Variants in SLC9A3 observed in about 807,000 individuals in gnomAD.
SLC9A3 encodes solute carrier family 9 member A3, also known as sodium/hydrogen exchanger 3.
In SLC9A3, 37 loss-of-function variants were observed where a neutral mutation model predicts 86.8. The ratio of observed to expected loss-of-function variants is 0.43; its 90% CI spans 0.33 to 0.56. SLC9A3 has a LOEUF of 0.56. Among genes scored for constraint, SLC9A3 ranks in the 20% least tolerant of loss-of-function variants. The pLI is 0.06. For synonymous variants in SLC9A3, 581 were observed against 528.3 expected (o/e 1.10, Z -1.37); for missense variants, 1,011 against 1,171.9 (o/e 0.86, Z 2.00).
intron 11 of SLC9A3, 42 bp from the exon 12 acceptor site, chr5:476,714 G>T (rs749456697): frequency 3.3e-5 from 52 of 1,593,304 alleles, no homozygotes; most frequent in South Asian, 1.1e-4. Flanking sequence ...CTCCCTCAGG[G>T]TGGGGTCTCT....
chr5:472,140 T>G lies in SLC9A3; in HGVS notation c.*1239A>C. 1 of 387,818 alleles carries G rather than the reference T, an allele frequency of 2.6e-6. No homozygotes were observed. The highest frequency in any genetic ancestry group is 3.1e-5 in the Admixed American group (1 of 32,610). 24.0% of individuals were successfully genotyped at this position (387,818 alleles called of 1,614,324 possible). A position where few individuals can be genotyped will look rare whatever the true frequency, so the allele number is the denominator to read the frequency against. ...ATGGACTCCGAGCACCCTCCCCGGCTCAGCACCCGCGGCCTCCGCCCACTC... is the reference window on the plus strand; with the variant it reads ...ATGGACTCCGAGCACCCTCCCCGGCGCAGCACCCGCGGCCTCCGCCCACTC... On this transcript the variant is annotated 3_prime_UTR_variant, in exon 17 of 17. Coordinates refer to ENST00000264938, the MANE Select transcript of SLC9A3 (RefSeq NM_004174.4).
rs372327507 is a variant in SLC9A3, at chr5:488,373, G to A, written c.618C>T (p.Asn206=). The change falls in exon 3 of 17, where the codon AAC becomes AAT. Residue 206 remains asparagine (N), a synonymous_variant. Transcript: ENST00000264938. The part of the protein sequence containing the change: ...VLAVFEEVHV[N]EVLFIIVFGE... ...CGAAGACGATGATGAACAGGACCTC[G>A]TTGACATGGACCTCCTCAAACACGG... The A allele has an allele frequency of 1.1e-5, 18 of 1,612,522 alleles. No homozygotes were observed. The highest frequency in any genetic ancestry group is 1.4e-5 in the Non-Finnish European group (17 of 1,179,810).
At chr5:511,639 C>T (rs180952333) in intron 1 of SLC9A3, among the ~76,000 whole-genome samples, 172 of 152,360 alleles carry the variant, frequency 1.1e-3, no homozygotes, top group African/African-American at 3.8e-3. Context: ...ACGGATAGCA[C>T]CGAAGGCTGG....
At chr5:514,815 A>G (rs1222659034) in intron 1 of SLC9A3, among the ~76,000 whole-genome samples, 3 of 152,232 alleles carry the variant, frequency 2.0e-5, no homozygotes, top group African/African-American at 7.2e-5. Flanking sequence ...ATGACAGCTC[A>G]GCAGGCGGTG....
chr5:507,326 C>T (rs1488051901), intron 1 of SLC9A3, among the ~76,000 whole-genome samples: 2 of 130,026 alleles, frequency 1.5e-5, no homozygotes, highest in Non-Finnish European at 3.2e-5. Context: ...CGCCACCACG[C>T]CCAGCTAATT....
intron 1 of SLC9A3, among the ~76,000 whole-genome samples, chr5:510,141 C>T (rs905021946): frequency 2.0e-5 from 3 of 152,218 alleles, no homozygotes; most frequent in Admixed American, 6.5e-5. Context: ...TGGCGGAGCG[C>T]GGCAGCTTGT....
chr5:477,046 T>G (rs1579765494), intron 11 of SLC9A3: 1 of 509,050 alleles, frequency 2.0e-6, no homozygotes, highest in South Asian at 2.6e-5. Context: ...GCAGTAAGGG[T>G]GGCATGGGGA....
At chr5:520,754 C>T (rs1733861507) in intron 1 of SLC9A3, among the ~76,000 whole-genome samples, 1 of 152,090 alleles carries the variant, frequency 6.6e-6, no homozygotes, top group Non-Finnish European at 1.5e-5. Context: ...GCCTCCCTCT[C>T]CTTCCAGGGG....
intron 1 of SLC9A3, among the ~76,000 whole-genome samples, chr5:520,038 C>A (rs942424026): frequency 1.8e-4 from 27 of 152,166 alleles, no homozygotes; most frequent in African/African-American, 5.1e-4. Context: ...AGCTCCACTT[C>A]GAGAGCCTGC....
In SLC9A3 at chr5:497,261, A is replaced by AC. The variant is rs1158455060; in HGVS notation, c.212-5191dup. On this transcript the variant is annotated intron_variant, in intron 1 of 16. Coordinates refer to ENST00000264938, the MANE Select transcript of SLC9A3 (RefSeq NM_004174.4). This position sits in a 1 kb window ranked among gnomAD's most constrained non-coding sequence, Gnocchi z 5.4. ...CCGCAGGTGCCCCTCAAGTCACACC[A>AC]CTGCTCTGCCTCGGGCGACACGGTG... Among the ~76,000 whole-genome samples the AC allele has an allele frequency of 6.6e-6, 1 of 152,110 alleles. No individual in the cohort carries two copies. The highest frequency in any genetic ancestry group is 1.5e-5 in the Non-Finnish European group (1 of 67,994).
intron 1 of SLC9A3, among the ~76,000 whole-genome samples, chr5:520,982 G>C (rs1051927705): frequency 6.6e-6 from 1 of 152,204 alleles, no homozygotes; most frequent in African/African-American, 2.4e-5. Context: ...GCCCTGGTGC[G>C]GGTGGCTGCA....
Position 477,176 on chromosome 5 carries a change from G to A in SLC9A3, c.1760+156C>T, listed in dbSNP as rs1362827366. The A allele has an allele frequency of 3.2e-5, 19 of 590,792 alleles. No individual in the cohort carries two copies. In the East Asian group the frequency reaches 4.3e-4, roughly 13 times the overall value. 36.6% of individuals were successfully genotyped at this position (590,792 alleles called of 1,614,324 possible). On this transcript the variant is annotated intron_variant, in intron 11 of 16. Coordinates refer to ENST00000264938, the MANE Select transcript of SLC9A3 (RefSeq NM_004174.4). ...GGAGTCTGGCCACGGCCTAATATAG[G>A]AGGGCTTGTGGAAGGAGACACCCAC... is the stretch of plus-strand genomic sequence containing the variant.
At chr5:505,977 G>A (rs1740562267) in intron 1 of SLC9A3, among the ~76,000 whole-genome samples, 2 of 151,966 alleles carry the variant, frequency 1.3e-5, no homozygotes, top group Non-Finnish European at 2.9e-5. Context: ...GCTTTGAGGA[G>A]TTTGCAAATG....
At position 524,311 on chromosome 5, in the gene SLC9A3, G is replaced by A; in HGVS notation, c.12C>T (p.Leu4=). The part of the protein sequence containing the change: MWG[L]GARGPDRGLL... ...GCCCCCGGTCGGGGCCCCGGGCCCC[G>A]AGTCCCCACATTGCCGCCTGCTCAG... The change falls in exon 1 of 17, where the codon CTC becomes CTT. Residue 4 remains leucine (L), a synonymous_variant. Coordinates refer to ENST00000264938, the MANE Select transcript of SLC9A3 (RefSeq NM_004174.4). 1 of 1,265,432 alleles carries A rather than the reference G, an allele frequency of 7.9e-7. No homozygotes were observed. Among genetic ancestry groups the A allele is most frequent in the Non-Finnish European group, 1.0e-6 (1 of 1,000,996 alleles). 78.4% of individuals were successfully genotyped at this position (1,265,432 alleles called of 1,614,324 possible).
chr5:494,488 G>A (rs765152732), intron 1 of SLC9A3, among the ~76,000 whole-genome samples: 1 of 152,238 alleles, frequency 6.6e-6, no homozygotes, highest in South Asian at 2.1e-4. Flanking sequence ...TAAGGGCTCC[G>A]AGGCCTTTGG....
chr5:522,595 A>G (rs1733915274), intron 1 of SLC9A3, among the ~76,000 whole-genome samples: 1 of 152,100 alleles, frequency 6.6e-6, no homozygotes, highest in Non-Finnish European at 1.5e-5. Flanking sequence ...CCCTGTCTGT[A>G]CTAAAAATAC....
At chr5:511,080 G>A (rs1212344611) in intron 1 of SLC9A3, among the ~76,000 whole-genome samples, 7 of 152,010 alleles carry the variant, frequency 4.6e-5, no homozygotes, top group Non-Finnish European at 5.9e-5. Flanking sequence ...CCAAAATATC[G>A]AACACACACC....
At chr5:473,471 C>G in intron 16 of SLC9A3, 89 bp from the exon 17 acceptor site, 5 of 1,127,676 alleles carry the variant, frequency 4.4e-6, no homozygotes, top group Non-Finnish European at 5.6e-6. Context: ...TCCCCGAGCC[C>G]GGCGGCTCTC....
intron 10 of SLC9A3, chr5:478,296 C>T (rs1167512752): frequency 1.3e-5 from 2 of 152,284 alleles, no homozygotes; most frequent in Non-Finnish European, 2.9e-5. Context: ...CCGCTCCTGC[C>T]ACCCCACGAA....
Sources: gnomAD v4.1 joint callset for allele counts (sites outside exome capture counted in the v4.1 genomes callset) on GRCh38, gnomAD v4.1.1 for gene constraint, Gnocchi (gnomAD v3.1) non-coding constraint, MANE v1.5 for transcripts, NCBI Gene and HGNC (gene_info 2026-07-23, HGNC 2026-07-21) for gene names.